The following EYA4 variants were observed in gnomAD, a reference collection of about 807,000 sequenced individuals.
EYA4 encodes the protein EYA transcriptional coactivator and phosphatase 4.
In EYA4, 31 loss-of-function variants were observed where a neutral mutation model predicts 87.9. That is an observed-to-expected ratio of 0.35 (90% CI 0.27 to 0.48). The LOEUF (loss-of-function observed/expected upper bound fraction) is 0.48, where lower values mean the gene tolerates loss of function less well. Ranked by LOEUF, EYA4 falls within the 20% of genes least tolerant of loss-of-function variation. EYA4 has a pLI of 0.99. For missense variants in EYA4, 678 were observed against 761.4 expected (o/e 0.89, Z 1.29); for synonymous variants, 263 against 270.6 (o/e 0.97, Z 0.28).
At chr6:133,463,699 A>C (rs1353059197) in intron 9 of EYA4, among the ~76,000 whole-genome samples, 1 of 152,146 alleles carries the variant, frequency 6.6e-6, no homozygotes, top group East Asian at 1.9e-4. Context: ...AAAGAATTTT[A>C]GTGACATAGT....
chr6:133,323,879 G>C (rs1336521), intron 2 of EYA4, among the ~76,000 whole-genome samples: 44,399 of 151,866 alleles, frequency 0.29, 7,052 homozygotes, highest in Middle Eastern at 0.43. Flanking sequence ...CAAACACAAG[G>C]TTCTTAATAT....
chr6:133,522,518 G>A (rs1199341742), intron 17 of EYA4, among the ~76,000 whole-genome samples: 1 of 152,072 alleles, frequency 6.6e-6, no homozygotes, highest in African/African-American at 2.4e-5. Context: ...TATATGAACA[G>A]AAACACTGAA....
chr6:133,416,321 G>A (rs1269618798), intron 3 of EYA4, among the ~76,000 whole-genome samples: 1 of 152,206 alleles, frequency 6.6e-6, no homozygotes, highest in Non-Finnish European at 1.5e-5. Context: ...AAAGCATCAC[G>A]CTTTTTTATT....
At chr6:133,269,085 C>T (rs1024933201) in intron 1 of EYA4, among the ~76,000 whole-genome samples, 2 of 152,074 alleles carry the variant, frequency 1.3e-5, no homozygotes, top group South Asian at 4.1e-4. Flanking sequence ...ATGGTGAGAC[C>T]CTGTCTCTAC....
At chr6:133,454,963 C>T (rs915524913) in intron 5 of EYA4, among the ~76,000 whole-genome samples, 3 of 152,034 alleles carry the variant, frequency 2.0e-5, no homozygotes, top group South Asian at 4.2e-4. Context: ...TTAGCTCTAC[C>T]GTCTCCTGCA....
intron 2 of EYA4, among the ~76,000 whole-genome samples, chr6:133,376,323 A>G (rs560794508): frequency 6.6e-6 from 1 of 151,972 alleles, no homozygotes. Context: ...TTTATTACAT[A>G]AACTTTCATT....
At position 133,481,455 on chromosome 6, in the gene EYA4, A is replaced by T. The variant is rs761167268; in HGVS notation, c.971-8A>T. The stretch of plus-strand genomic sequence containing the variant: ...TGCTATTCTTGACCTAAGTCATGTT[A>T]TCTATAGGAGAGTTCGATACCATGC... On this transcript the variant is annotated splice_region_variant and splice_polypyrimidine_tract_variant and intron_variant, in intron 11 of 19. Transcript: ENST00000355286. 3.8e-5 allele frequency: 62 copies of T among 1,613,304 alleles called. No homozygotes were observed. The highest frequency in any genetic ancestry group is 4.4e-5 in the Non-Finnish European group (52 of 1,179,416).
intron 5 of EYA4, among the ~76,000 whole-genome samples, chr6:133,450,048 C>T (rs1326063967): frequency 2.6e-5 from 4 of 151,776 alleles, no homozygotes; most frequent in East Asian, 1.9e-4. Context: ...TGCAGTGGCG[C>T]GATCTCCGCT....
At chr6:133,296,600 T>C (rs1028723907) in intron 2 of EYA4, among the ~76,000 whole-genome samples, 1 of 152,070 alleles carries the variant, frequency 6.6e-6, no homozygotes, top group Non-Finnish European at 1.5e-5. Flanking sequence ...GGGTCAGTAA[T>C]GACTGTCAGT....
chr6:133,324,904 ATTTTTTTTT>A (rs756478373), intron 2 of EYA4, among the ~76,000 whole-genome samples: 12 of 83,580 alleles, frequency 1.4e-4, no homozygotes, highest in Non-Finnish European at 1.8e-4. Flanking sequence ...TTCAGAAGCT[ATTTTTTTTT>A]TTTTTTTTTT....
intron 3 of EYA4, among the ~76,000 whole-genome samples, chr6:133,433,218 A>C (rs182854742): frequency 1.3e-5 from 2 of 152,338 alleles, no homozygotes; most frequent in East Asian, 3.9e-4. Context: ...GGAGGCAGTG[A>C]TAATGAGAAG....
chr6:133,342,200 G>A (rs1255654320), intron 2 of EYA4, among the ~76,000 whole-genome samples: 2 of 151,658 alleles, frequency 1.3e-5, no homozygotes, highest in Admixed American at 6.6e-5. Flanking sequence ...GGGTTTCTTC[G>A]GTAGCAGGGT....
chr6:133,247,701 T>C (rs1232486095), intron 1 of EYA4: 1 of 152,170 alleles, frequency 6.6e-6, no homozygotes, highest in East Asian at 1.9e-4. Context: ...GATCCTTTCA[T>C]TTAAATGGAA....
intron 3 of EYA4, among the ~76,000 whole-genome samples, chr6:133,409,091 T>C (rs568699332): frequency 6.6e-6 from 1 of 152,292 alleles, no homozygotes; most frequent in East Asian, 1.9e-4. Context: ...AAGTCCTGAA[T>C]GACAAAGGTC....
intron 2 of EYA4, among the ~76,000 whole-genome samples, chr6:133,281,096 T>C (rs1777586782): frequency 6.6e-6 from 1 of 152,214 alleles, no homozygotes; most frequent in Non-Finnish European, 1.5e-5. Flanking sequence ...ATGGAGACAC[T>C]TCTATTTATA....
chr6:133,283,657 T>C (rs1777805978), intron 2 of EYA4, among the ~76,000 whole-genome samples: 1 of 152,224 alleles, frequency 6.6e-6, no homozygotes, highest in Non-Finnish European at 1.5e-5. Context: ...ACATAGTCTT[T>C]ATTCCAGAAT....
At position 133,268,814 on chromosome 6, in the gene EYA4, A is replaced by AGTGGGAGGAGGAAGGTGGGC. The variant is rs764207096; in HGVS notation, c.-65-5898_-65-5879dup. Among the ~76,000 whole-genome samples the AGTGGGAGGAGGAAGGTGGGC allele has an allele frequency of 2.4e-3, 368 of 152,184 alleles. 1 individual carries two copies. The highest frequency in any genetic ancestry group is 4.4e-3 in the Non-Finnish European group (298 of 68,002). ...AGTGCATCAGGAGGAGAAGAGGGAG[A>AGTGGGAGGAGGAAGGTGGGC]GTGGGAGGAGGAAGGTGGGCGTGTG... On this transcript the variant is annotated intron_variant, in intron 1 of 19. Coordinates refer to ENST00000355286, the MANE Select transcript of EYA4 (RefSeq NM_004100.5).
At chr6:133,240,817 C>T (rs1390461191), upstream of EYA4, 1 of 152,532 alleles carries the variant, frequency 6.6e-6, no homozygotes, top group Admixed American at 6.5e-5. Context: ...AGGCGAAGTC[C>T]CTTCTGTCTC....
chr6:133,270,313 T>TA (rs1465569730), intron 1 of EYA4, among the ~76,000 whole-genome samples: 2 of 152,188 alleles, frequency 1.3e-5, no homozygotes, highest in African/African-American at 4.8e-5. Flanking sequence ...CCTAACATAA[T>TA]ACAGCTGTCC....
Sources: allele counts gnomAD v4.1 joint callset (sites outside exome capture counted in the v4.1 genomes callset), GRCh38; gene constraint gnomAD v4.1.1; transcripts MANE v1.5; gene names NCBI Gene and HGNC (gene_info 2026-07-23, HGNC 2026-07-21).